PLXDC2: variants seen among roughly 807,000 people sequenced by gnomAD.
PLXDC2 encodes the protein plexin domain-containing protein 2.
In PLXDC2, 40 loss-of-function variants were observed where a neutral mutation model predicts 68.9. That is an observed-to-expected ratio of 0.58 (90% CI 0.45 to 0.76). The LOEUF (loss-of-function observed/expected upper bound fraction) is 0.76. Ranked by LOEUF, PLXDC2 falls within the 30% of genes least tolerant of loss-of-function variation. The pLI is 0.00. For missense variants in PLXDC2, 644 were observed against 661.9 expected (o/e 0.97, Z 0.30); for synonymous variants, 243 against 234.2 (o/e 1.04, Z -0.34).
intron 1 of PLXDC2, among the ~76,000 whole-genome samples, chr10:19,888,397 A>G (rs1837886911): frequency 6.6e-6 from 1 of 152,134 alleles, no homozygotes; most frequent in South Asian, 2.1e-4. Flanking sequence ...CTCTTTGGCA[A>G]CCATTTCAAC....
At chr10:19,943,142 T>G (rs1348318043) in intron 1 of PLXDC2, among the ~76,000 whole-genome samples, 1 of 152,182 alleles carries the variant, frequency 6.6e-6, no homozygotes, top group African/African-American at 2.4e-5. Context: ...AGGCTGAACA[T>G]TTTCACAGAG....
intron 13 of PLXDC2, among the ~76,000 whole-genome samples, chr10:20,264,485 A>G (rs1487749057): frequency 6.6e-6 from 1 of 152,174 alleles, no homozygotes; most frequent in Admixed American, 6.5e-5. Flanking sequence ...TAAAAAATCT[A>G]ATAAAAACGC....
chr10:20,171,712 C>T (rs897627868), intron 7 of PLXDC2, among the ~76,000 whole-genome samples: 1 of 152,078 alleles, frequency 6.6e-6, no homozygotes, highest in Non-Finnish European at 1.5e-5. Context: ...GGAAGGCTTT[C>T]TTCATGGACT....
At chr10:19,838,243 G>A (rs1435689497) in intron 1 of PLXDC2, among the ~76,000 whole-genome samples, 1 of 152,136 alleles carries the variant, frequency 6.6e-6, no homozygotes, top group Non-Finnish European at 1.5e-5. Flanking sequence ...GATTACAGGT[G>A]TGAACCACCA....
intron 6 of PLXDC2, among the ~76,000 whole-genome samples, chr10:20,152,021 TA>T (rs1481434051): frequency 6.6e-6 from 1 of 152,110 alleles, no homozygotes; most frequent in East Asian, 1.9e-4. Flanking sequence ...TGAATAAATT[TA>T]GTTAAGTAAA....
chr10:20,137,550 G>C (rs1357816670), intron 4 of PLXDC2, among the ~76,000 whole-genome samples: 1 of 152,204 alleles, frequency 6.6e-6, no homozygotes, highest in Non-Finnish European at 1.5e-5. Context: ...ACTAAAAGTA[G>C]CATGATTTGA....
intron 1 of PLXDC2, among the ~76,000 whole-genome samples, chr10:19,943,191 T>C (rs572864043): frequency 6.6e-6 from 1 of 150,836 alleles, no homozygotes; most frequent in Non-Finnish European, 1.5e-5. Flanking sequence ...AACCCACGAT[T>C]ATTGAATAAT....
At chr10:20,088,807 A>T (rs576454181) in intron 4 of PLXDC2, among the ~76,000 whole-genome samples, 20 of 152,352 alleles carry the variant, frequency 1.3e-4, no homozygotes, top group African/African-American at 4.8e-4. Flanking sequence ...AAGTGCCTAG[A>T]GCAGTCCTTA....
At chr10:20,244,971 G>T (rs1054473750) in intron 12 of PLXDC2, among the ~76,000 whole-genome samples, 1 of 152,048 alleles carries the variant, frequency 6.6e-6, no homozygotes, top group South Asian at 2.1e-4. Context: ...AAAATTAGCC[G>T]GGTGTGGTGA....
chr10:20,118,526 A>G (rs532589287), intron 4 of PLXDC2, among the ~76,000 whole-genome samples: 1 of 152,352 alleles, frequency 6.6e-6, no homozygotes, highest in East Asian at 1.9e-4. Context: ...ACATGTCAGG[A>G]GTACTGATAG....
At chr10:19,857,497 ATTC>A (rs781473025) in intron 1 of PLXDC2, among the ~76,000 whole-genome samples, 1 of 152,230 alleles carries the variant, frequency 6.6e-6, no homozygotes, top group African/African-American at 2.4e-5. Flanking sequence ...ATACTTAAAT[ATTC>A]TTCTCATCAA....
chr10:19,910,634 G>T (rs1833252785), intron 1 of PLXDC2, among the ~76,000 whole-genome samples: 1 of 146,230 alleles, frequency 6.8e-6, no homozygotes, highest in Admixed American at 7.0e-5. Flanking sequence ...ATTAGAAGAG[G>T]CACAGGAATG....
intron 7 of PLXDC2, among the ~76,000 whole-genome samples, chr10:20,176,412 G>GTGTGTGTC (rs1436661181): frequency 5.9e-5 from 9 of 151,908 alleles, no homozygotes; most frequent in Admixed American, 2.0e-4. Flanking sequence ...GTGTGTGTGT[G>GTGTGTGTC]TGTCTGTCGT....
At chr10:20,109,291 G>C (rs759714618) in intron 4 of PLXDC2, among the ~76,000 whole-genome samples, 2 of 152,186 alleles carry the variant, frequency 1.3e-5, no homozygotes, top group Admixed American at 6.5e-5. Flanking sequence ...ATGACACACT[G>C]TGTCATCCTT....
rs142766914 is a variant in PLXDC2 at position 20,227,947 on chromosome 10, A to G, written c.1312+8845A>G. Among the ~76,000 whole-genome samples the G allele has an allele frequency of 3.9e-5, 6 of 152,320 alleles. No homozygotes were observed. In the East Asian group the frequency reaches 1.2e-3, roughly 29 times the overall value. ...TATTTACTAATGAAGTAGAAGCTAC[A>G]TGAGCTAATATTTGATTGGATGTGT... is the stretch of plus-strand genomic sequence containing the variant. On this transcript the variant is annotated intron_variant, in intron 12 of 13. Transcript: ENST00000377252.
At chr10:19,822,754 G>T (rs758942279) in intron 1 of PLXDC2, among the ~76,000 whole-genome samples, 2 of 152,066 alleles carry the variant, frequency 1.3e-5, no homozygotes, top group Non-Finnish European at 2.9e-5. Flanking sequence ...CATGTCATAT[G>T]CCTGTTGGCC....
chr10:19,844,635 G>A (rs559136071), intron 1 of PLXDC2, among the ~76,000 whole-genome samples: 15 of 150,312 alleles, frequency 1.0e-4, no homozygotes, highest in African/African-American at 2.7e-4. Context: ...GGGCTCTGTC[G>A]TCTGGGCTGG....
At chr10:19,886,453 A>C (rs1046832085) in intron 1 of PLXDC2, among the ~76,000 whole-genome samples, 5 of 152,198 alleles carry the variant, frequency 3.3e-5, no homozygotes, top group African/African-American at 1.2e-4. Context: ...CATCCCTGGG[A>C]TGCAAAGCTG....
At chr10:19,942,139 A>C (rs866645866) in intron 1 of PLXDC2, among the ~76,000 whole-genome samples, 1 of 152,194 alleles carries the variant, frequency 6.6e-6, no homozygotes, top group African/African-American at 2.4e-5. Flanking sequence ...GTAATTTTGC[A>C]GTCATTCTCT....
Sources: gnomAD v4.1 joint callset for allele counts (sites outside exome capture counted in the v4.1 genomes callset) on GRCh38, gnomAD v4.1.1 for gene constraint, MANE v1.5 for transcripts, NCBI Gene and HGNC (gene_info 2026-07-23, HGNC 2026-07-21) for gene names.